The following TSC22D1 variants were observed in gnomAD, a reference collection of about 807,000 sequenced individuals.
The protein encoded by TSC22D1 is TSC22 domain family protein 1.
Under a neutral mutation model 74.2 loss-of-function variants are expected in TSC22D1, and 9 were observed. The ratio of observed to expected loss-of-function variants is 0.12; its 90% CI spans 0.07 to 0.21. The LOEUF (loss-of-function observed/expected upper bound fraction) is 0.21. TSC22D1 is among the 10% of genes least tolerant of loss of function. The pLI is 1.00. For missense variants in TSC22D1, 1,427 were observed against 1,304.7 expected (o/e 1.09, Z -1.44); for synonymous variants, 586 against 492.5 (o/e 1.19, Z -2.51).
At chr13:44,461,912 G>A (rs899731910) in intron 1 of TSC22D1, among the ~76,000 whole-genome samples, 1 of 152,168 alleles carries the variant, frequency 6.6e-6, no homozygotes, top group Non-Finnish European at 1.5e-5. Flanking sequence ...TACCGCAGGG[G>A]AGTAGCCTGA....
At chr13:44,450,704 G>A (rs531928309) in intron 1 of TSC22D1, among the ~76,000 whole-genome samples, 1 of 152,214 alleles carries the variant, frequency 6.6e-6, no homozygotes, top group Non-Finnish European at 1.5e-5. Context: ...TAGGCTAAGG[G>A]GAGTAAACTG....
intron 1 of TSC22D1, among the ~76,000 whole-genome samples, chr13:44,440,414 A>G (rs1357206202): frequency 6.6e-6 from 1 of 151,898 alleles, no homozygotes; most frequent in Non-Finnish European, 1.5e-5. Context: ...CCCCGTCTCC[A>G]CTTTAAAAAA....
chr13:44,529,868 A>G (rs1189245973), intron 1 of TSC22D1, among the ~76,000 whole-genome samples: 1 of 152,108 alleles, frequency 6.6e-6, no homozygotes, highest in Non-Finnish European at 1.5e-5. Flanking sequence ...ACAAAATAGG[A>G]TCTCATATAA....
chr13:44,511,356 A>G lies in TSC22D1; in HGVS notation c.2912+61807T>C, dbSNP rs76275883. ...GCCTGTAATTCTTCTGCTTTTCTATAGCTGAGCTCATGTCACAGTAATAGT... is the reference window on the plus strand; with the variant it reads ...GCCTGTAATTCTTCTGCTTTTCTATGGCTGAGCTCATGTCACAGTAATAGT... On this transcript the variant is annotated intron_variant, in intron 1 of 2. Transcript: ENST00000458659. 6.3e-3 allele frequency among the ~76,000 whole-genome samples: 953 copies of G among 152,198 alleles called. 3 individuals are homozygous for G. The highest frequency in any genetic ancestry group is 0.02 in the Middle Eastern group (6 of 294).
chr13:44,564,323 G>C lies in TSC22D1; in HGVS notation c.2912+8840C>G, dbSNP rs370090738. ...CTATTCAAGAAGCTTAAAATCATCA[G>C]ATAATCATGAAAACAAAATCTAATT... On this transcript the variant is annotated intron_variant, in intron 1 of 2. Coordinates refer to ENST00000458659, the MANE Select transcript of TSC22D1 (RefSeq NM_183422.4). 9.2e-5 allele frequency among the ~76,000 whole-genome samples: 14 copies of C among 152,086 alleles called. No homozygotes were observed. In the East Asian group the frequency reaches 1.2e-3, roughly 13 times the overall value.
chr13:44,496,818 GC>G (rs1879000778), intron 1 of TSC22D1, among the ~76,000 whole-genome samples: 1 of 152,080 alleles, frequency 6.6e-6, no homozygotes, highest in South Asian at 2.1e-4. Flanking sequence ...CTGCACTCCA[GC>G]CTGGACAACA....
intron 1 of TSC22D1, among the ~76,000 whole-genome samples, chr13:44,564,531 G>T (rs1213817311): frequency 6.6e-6 from 1 of 152,074 alleles, no homozygotes. Flanking sequence ...CATGTGCAAA[G>T]GCCTAGAAGA....
intron 1 of TSC22D1, among the ~76,000 whole-genome samples, chr13:44,533,425 ACT>A (rs1464510667): frequency 2.0e-5 from 3 of 150,838 alleles, no homozygotes; most frequent in Non-Finnish European, 4.4e-5. Context: ...TTGCCACTGC[ACT>A]CCAGCTTAGG....
intron 1 of TSC22D1, among the ~76,000 whole-genome samples, chr13:44,499,082 G>A (rs987200222): frequency 2.0e-5 from 3 of 152,044 alleles, no homozygotes; most frequent in Non-Finnish European, 2.9e-5. Flanking sequence ...CTCCCTCACT[G>A]GAAATACAAT....
chr13:44,477,633 C>T (rs1877979042), intron 1 of TSC22D1, among the ~76,000 whole-genome samples: 1 of 145,640 alleles, frequency 6.9e-6, no homozygotes, highest in Non-Finnish European at 1.5e-5. Flanking sequence ...CAAATGTGCT[C>T]ATAGATTTTT....
intron 1 of TSC22D1, among the ~76,000 whole-genome samples, chr13:44,483,667 C>CAAAA (rs36015133): frequency 1.6e-4 from 10 of 64,122 alleles, no homozygotes; most frequent in African/African-American, 5.0e-4. Context: ...GACTCCGTCT[C>CAAAA]AAAAAAAAAA....
intron 1 of TSC22D1, among the ~76,000 whole-genome samples, chr13:44,444,523 G>A (rs1207660998): frequency 6.6e-6 from 1 of 151,600 alleles, no homozygotes; most frequent in Non-Finnish European, 1.5e-5. Flanking sequence ...AGAAAGCTGA[G>A]GTGGCTATAT....
At chr13:44,490,594 T>C (rs968973) in intron 1 of TSC22D1, among the ~76,000 whole-genome samples, 72,551 of 151,834 alleles carry the variant, frequency 0.48, 17,538 homozygotes, top group Non-Finnish European at 0.52. Flanking sequence ...ACCCAAGAAT[T>C]GCTAACTATA....
intron 1 of TSC22D1, among the ~76,000 whole-genome samples, chr13:44,497,128 A>C (rs983485675): frequency 6.6e-6 from 1 of 152,206 alleles, no homozygotes; most frequent in Non-Finnish European, 1.5e-5. Context: ...AGCTTTCACA[A>C]TAGCCAAAAG....
At chr13:44,514,401 C>T (rs115008818) in intron 1 of TSC22D1, among the ~76,000 whole-genome samples, 2,307 of 151,850 alleles carry the variant, frequency 0.015, 46 homozygotes, top group African/African-American at 0.049. Flanking sequence ...CCCCCCACAT[C>T]ACACACACAC....
chr13:44,575,229 GGAT>G lies in TSC22D1; in HGVS notation c.843_845del (p.Ser283del), dbSNP rs1566188308. 6.2e-7 allele frequency: 1 copy of G among 1,614,040 alleles called. No homozygotes were observed. Among genetic ancestry groups the G allele is most frequent in the Non-Finnish European group, 8.5e-7 (1 of 1,180,046 alleles). ...TCATTACAGATGCAGGTGAACCACT[GGAT>G]GATACAGCAGAAGTTGGTGCAACTG... On this transcript the variant is annotated inframe_deletion, in exon 1 of 3. Coordinates refer to ENST00000458659, the MANE Select transcript of TSC22D1 (RefSeq NM_183422.4).
intron 1 of TSC22D1, among the ~76,000 whole-genome samples, chr13:44,507,344 G>A (rs369364756): frequency 2.0e-5 from 3 of 152,122 alleles, no homozygotes; most frequent in Non-Finnish European, 2.9e-5. Flanking sequence ...AAAAAGGAGC[G>A]AAAGGCCAAG....
intron 1 of TSC22D1, among the ~76,000 whole-genome samples, chr13:44,447,404 T>C (rs1875767657): frequency 6.6e-6 from 1 of 152,194 alleles, no homozygotes; most frequent in African/African-American, 2.4e-5. Flanking sequence ...AAAATGCCTA[T>C]TTTATAACTA....
chr13:44,498,469 A>G (rs369826051), intron 1 of TSC22D1, among the ~76,000 whole-genome samples: 3 of 150,988 alleles, frequency 2.0e-5, no homozygotes, highest in East Asian at 1.9e-4. Context: ...CAGCATACCA[A>G]CCATTTCACA....
Sources: allele counts gnomAD v4.1 joint callset (sites outside exome capture counted in the v4.1 genomes callset), GRCh38; gene constraint gnomAD v4.1.1; transcripts MANE v1.5; gene names NCBI Gene and HGNC (gene_info 2026-07-23, HGNC 2026-07-21).